HIVEP2: variants seen among roughly 807,000 people sequenced by gnomAD.
HIVEP2 encodes the protein transcription factor HIVEP2.
In HIVEP2, 14 loss-of-function variants were observed where a neutral mutation model predicts 180.7. The ratio of observed to expected loss-of-function variants is 0.08; its 90% CI spans 0.05 to 0.12. The LOEUF (loss-of-function observed/expected upper bound fraction) is 0.12, where lower values mean the gene tolerates loss of function less well. HIVEP2 is among the 10% of genes least tolerant of loss of function. The probability of loss-of-function intolerance (pLI) is 1.00; values close to 1 mark genes in which losing one functional copy is unlikely to be tolerated. For synonymous variants in HIVEP2, 1,184 were observed against 1,136.4 expected, an observed-to-expected ratio of 1.04 and a Z score of -0.84; for missense variants, 2,579 against 3,008.5, an observed-to-expected ratio of 0.86 and a Z score of 3.34.
At chr6:142,795,548 T>C (rs1776259704) in intron 2 of HIVEP2, among the ~76,000 whole-genome samples, 1 of 152,162 alleles carries the variant, frequency 6.6e-6, no homozygotes, top group Non-Finnish European at 1.5e-5. Flanking sequence ...TTAGATAAGG[T>C]GCCAGAACTA....
chr6:142,849,515 TTA>T (rs1471590623), intron 1 of HIVEP2, among the ~76,000 whole-genome samples: 1 of 130,598 alleles, frequency 7.7e-6, no homozygotes, highest in Admixed American at 7.8e-5. Context: ...CTTTATTTAT[TTA>T]TTTTTTTTTT....
rs1411222091 is a variant in HIVEP2 at position 142,774,757 on chromosome 6, A to AAGTGCT, written c.-25_-20dup. 1 of 1,609,572 alleles carries AAGTGCT rather than the reference A, an allele frequency of 6.2e-7. No individual in the cohort carries two copies. Among genetic ancestry groups the AAGTGCT allele is most frequent in the Non-Finnish European group, 8.5e-7 (1 of 1,177,528 alleles). On this transcript the variant is annotated 5_prime_UTR_variant, in exon 5 of 10. Transcript: ENST00000367603. This position sits in a 1 kb window ranked among gnomAD's most constrained non-coding sequence, Gnocchi z 5.1. ...TGTCCATTTTGTTACACAAGGTCTT[A>AAGTGCT]AGTGCTAGTTCCCCTGAAAGCAGTG...
intron 1 of HIVEP2, among the ~76,000 whole-genome samples, chr6:142,930,722 C>A (rs1777924198): frequency 6.6e-6 from 1 of 152,174 alleles, no homozygotes; most frequent in Non-Finnish European, 1.5e-5. Flanking sequence ...TTAAATACTT[C>A]AGAATAGGCC....
intron 1 of HIVEP2, among the ~76,000 whole-genome samples, chr6:142,934,435 G>A (rs1363557642): frequency 1.3e-5 from 2 of 152,184 alleles, no homozygotes; most frequent in South Asian, 2.1e-4. Flanking sequence ...TAGAGCTCCA[G>A]TGTAGGCTCT....
At chr6:142,765,434 G>C (rs74725286) in intron 6 of HIVEP2, among the ~76,000 whole-genome samples, 8 of 152,322 alleles carry the variant, frequency 5.3e-5, no homozygotes, top group Non-Finnish European at 8.8e-5. Context: ...GCTAAATTAA[G>C]TATAACTGAT....
chr6:142,842,087 T>C (rs1231189768), intron 1 of HIVEP2, among the ~76,000 whole-genome samples: 1 of 152,152 alleles, frequency 6.6e-6, no homozygotes, highest in Non-Finnish European at 1.5e-5. Context: ...ATTCTATTCC[T>C]TAGAATATTT....
intron 1 of HIVEP2, among the ~76,000 whole-genome samples, chr6:142,921,483 C>T (rs1239594340): frequency 3.3e-5 from 5 of 151,636 alleles, no homozygotes; most frequent in African/African-American, 7.2e-5. Flanking sequence ...TGCAGTGAGC[C>T]GAGATTGTGC....
chr6:142,793,107 T>C (rs1247991248), intron 2 of HIVEP2, among the ~76,000 whole-genome samples: 1 of 152,182 alleles, frequency 6.6e-6, no homozygotes, highest in East Asian at 1.9e-4. Context: ...TTCCAAACTT[T>C]TTTCTGAGTC....
At chr6:142,927,687 C>T (rs781545342) in intron 1 of HIVEP2, among the ~76,000 whole-genome samples, 1 of 152,136 alleles carries the variant, frequency 6.6e-6, no homozygotes, top group Non-Finnish European at 1.5e-5. Context: ...GCCAACAAAA[C>T]CTTTAGCCAG....
chr6:142,857,062 G>C (rs1320170018), intron 1 of HIVEP2, among the ~76,000 whole-genome samples: 1 of 152,128 alleles, frequency 6.6e-6, no homozygotes, highest in Non-Finnish European at 1.5e-5. Flanking sequence ...TGGTGATAGT[G>C]CATTTGTGAG....
In HIVEP2 at chr6:142,761,558, T is replaced by C. The variant is rs759871872; in HGVS notation, c.5526A>G (p.Leu1842=). 2 of 1,587,504 alleles carry C rather than the reference T, an allele frequency of 1.3e-6. No homozygotes were observed. The highest frequency in any genetic ancestry group is 1.7e-6 in the Non-Finnish European group (2 of 1,157,048). ...CNFAFKTKGN[L]TKHMKSKAHM... is the part of the protein sequence containing the mutation. ...GTGCTTTAGATTTCATATGCTTCGT[T>C]AGGTTTCCTTGAAAATGTAGCAAAA... The change falls in exon 8 of 10, where the codon CTA becomes CTG. Residue 1842 remains leucine, a synonymous_variant. Transcript: ENST00000367603.
Position 142,772,703 on chromosome 6 carries a change from A to C in HIVEP2, c.2036T>G (p.Val679Gly), listed in dbSNP as rs748044619. The C allele has an allele frequency of 6.2e-7, 1 of 1,614,174 alleles. No homozygotes were observed. The highest frequency in any genetic ancestry group is 2.2e-5 in the East Asian group (1 of 44,880). ...HGGEYFMDPV[V>G]PLQGVPSMFG... ...CATGCTTGGTACTCCCTGCAATGGC[A>C]CCACGGGATCCATGAAATATTCTCC... The change falls in exon 5 of 10, where the codon GTG (valine) becomes GGG (glycine). Residue 679 changes from valine (V) to glycine (G), a missense_variant. By Grantham distance (109) the Val-to-Gly change is moderately radical. Transcript: ENST00000367603. The surrounding 1 kb of genome is among the most constrained non-coding windows in gnomAD (Gnocchi z 4.9).
chr6:142,846,965 G>A lies in HIVEP2; in HGVS notation c.-640-9918C>T, dbSNP rs187479989. On this transcript the variant is annotated intron_variant, in intron 1 of 9. Coordinates refer to ENST00000367603, the MANE Select transcript of HIVEP2 (RefSeq NM_006734.4). ...TATGGTGCACTTCTGCCCCTGAAGC[G>A]ACTGGCCCCACTTTGAGAAGCCATG... 3.9e-5 allele frequency among the ~76,000 whole-genome samples: 6 copies of A among 152,320 alleles called. No homozygotes were observed. The East Asian group carries it at 5.8e-4, about 15-fold the overall frequency.
chr6:142,922,014 G>C (rs145381536), intron 1 of HIVEP2, among the ~76,000 whole-genome samples: 1 of 152,112 alleles, frequency 6.6e-6, no homozygotes, highest in Admixed American at 6.5e-5. Context: ...ACTCAACTTC[G>C]TTGGCGTCTA....
chr6:142,814,806 C>G (rs1366328831), intron 2 of HIVEP2, among the ~76,000 whole-genome samples: 1 of 151,696 alleles, frequency 6.6e-6, no homozygotes, highest in Non-Finnish European at 1.5e-5. Flanking sequence ...GAATAGTAGT[C>G]AAAGAAATCA....
At chr6:142,875,633 T>C (rs536999328) in intron 1 of HIVEP2, among the ~76,000 whole-genome samples, 6 of 152,248 alleles carry the variant, frequency 3.9e-5, no homozygotes, top group South Asian at 2.1e-4. Flanking sequence ...CCAGAAGTAC[T>C]TACTGGATTA....
intron 2 of HIVEP2, among the ~76,000 whole-genome samples, chr6:142,834,929 C>T (rs562300643): frequency 6.6e-5 from 10 of 152,156 alleles, no homozygotes; most frequent in South Asian, 2.1e-4. Context: ...ATATGCATCA[C>T]GAAAATGCTT....
At chr6:142,804,557 A>G (rs1165263742) in intron 2 of HIVEP2, among the ~76,000 whole-genome samples, 1 of 152,144 alleles carries the variant, frequency 6.6e-6, no homozygotes, top group African/African-American at 2.4e-5. Context: ...AAAAAAATAC[A>G]CATTTGGAGG....
At chr6:142,905,909 G>A (rs141888421) in intron 1 of HIVEP2, among the ~76,000 whole-genome samples, 28 of 152,130 alleles carry the variant, frequency 1.8e-4, no homozygotes, top group African/African-American at 2.6e-4. Flanking sequence ...AGGCGGGGGC[G>A]GACCACTGGA....
Sources: gnomAD v4.1 joint callset for allele counts (sites outside exome capture counted in the v4.1 genomes callset) on GRCh38, gnomAD v4.1.1 for gene constraint, Gnocchi (gnomAD v3.1) non-coding constraint, MANE v1.5 for transcripts, NCBI Gene and HGNC (gene_info 2026-07-23, HGNC 2026-07-21) for gene names.